Variants in BRSK2 observed in about 807,000 individuals in gnomAD.
BRSK2 encodes serine/threonine-protein kinase BRSK2.
A neutral mutation model predicts 83.3 loss-of-function variants in BRSK2; 19 were observed. The ratio of observed to expected loss-of-function variants is 0.23; its 90% CI spans 0.16 to 0.33. BRSK2 has a LOEUF of 0.33. BRSK2 is among the 10% of genes least tolerant of loss of function. The pLI is 1.00. For missense variants in BRSK2, 798 were observed against 1,042.3 expected, an observed-to-expected ratio of 0.77 and a Z score of 3.23; for synonymous variants, 519 against 435.4, an observed-to-expected ratio of 1.19 and a Z score of -2.39.
intron 1 of BRSK2, among the ~76,000 whole-genome samples, chr11:1,414,288 G>A (rs888730550): frequency 2.6e-5 from 4 of 152,194 alleles, no homozygotes; most frequent in East Asian, 1.9e-4. Flanking sequence ...CTGCTTCTCC[G>A]CCTGGAAAGG....
At chr11:1,445,149 C>T (rs900460684) in intron 9 of BRSK2, 145 bp from the exon 10 acceptor site, 7 of 1,457,354 alleles carry the variant, frequency 4.8e-6, no homozygotes, top group Non-Finnish European at 5.7e-6. Flanking sequence ...GTGCGGGGTG[C>T]GGGCAGGACG....
At chr11:1,421,049 G>A (rs140976678) in intron 1 of BRSK2, among the ~76,000 whole-genome samples, 327 of 152,308 alleles carry the variant, frequency 2.1e-3, no homozygotes, top group Middle Eastern at 0.014. Context: ...TGCTCAGAGT[G>A]ATACCCTCAG....
chr11:1,391,916 G>A (rs887806224), intron 1 of BRSK2, among the ~76,000 whole-genome samples: 2 of 152,144 alleles, frequency 1.3e-5, no homozygotes, highest in Non-Finnish European at 2.9e-5. Context: ...TTCTGCTGGC[G>A]GCAGTTAATT....
At chr11:1,402,184 C>T (rs1846522537) in intron 1 of BRSK2, among the ~76,000 whole-genome samples, 2 of 152,328 alleles carry the variant, frequency 1.3e-5, no homozygotes, top group South Asian at 4.1e-4. Context: ...GGGGCCTGAC[C>T]TTGCGCTCTC....
At chr11:1,437,660 C>T (rs1330499073) in intron 2 of BRSK2, among the ~76,000 whole-genome samples, 4 of 152,224 alleles carry the variant, frequency 2.6e-5, no homozygotes, top group East Asian at 3.9e-4. Flanking sequence ...CAACAGGATG[C>T]CTGCCCCCAC....
At chr11:1,411,713 C>A in intron 1 of BRSK2, 1 of 1,522,020 alleles carries the variant, frequency 6.6e-7, no homozygotes, top group Non-Finnish European at 8.8e-7. Context: ...GCCCCCACGG[C>A]AGGGACGGGG....
chr11:1,408,812 G>GGTGTGT (rs752611597), intron 1 of BRSK2, among the ~76,000 whole-genome samples: 22 of 143,250 alleles, frequency 1.5e-4, no homozygotes, highest in African/African-American at 5.0e-4. Flanking sequence ...TGCCTGTGCT[G>GGTGTGT]GTGTGTGTGT....
chr11:1,402,540 A>G (rs4963041), intron 1 of BRSK2, among the ~76,000 whole-genome samples: 65,603 of 152,098 alleles, frequency 0.43, 14,767 homozygotes, highest in Middle Eastern at 0.53. Flanking sequence ...ACCCTTCTCC[A>G]GGGACTTGCC....
intron 1 of BRSK2, among the ~76,000 whole-genome samples, chr11:1,395,095 C>T (rs11608241): frequency 0.014 from 2,096 of 152,292 alleles, 24 homozygotes; most frequent in Non-Finnish European, 0.018. Context: ...GTGGACTCAG[C>T]GTGGGGTGTC....
At chr11:1,424,788 G>T (rs1849009748) in intron 1 of BRSK2, among the ~76,000 whole-genome samples, 2 of 151,674 alleles carry the variant, frequency 1.3e-5, no homozygotes, top group Admixed American at 1.3e-4. Context: ...CTGGACCTGG[G>T]CCTCTGCCAG....
At chr11:1,436,250 G>GGGGGGGGGGGGGGGGGGCCCCCCCCCC in intron 2 of BRSK2, 116 bp downstream of exon 2, 1 of 168,874 alleles carries the variant, frequency 5.9e-6, no homozygotes. Context: ...GGGGGGGCGG[G>GGGGGGGGGGGGGGGGGGCCCCCCCCCC]CCCTGCAGGC....
At position 1,450,776 on chromosome 11, in the gene BRSK2, C is replaced by T. The variant is rs1394411294; in HGVS notation, c.1477C>T (p.His493Tyr). 1.3e-6 allele frequency: 2 copies of T among 1,595,052 alleles called. No individual in the cohort carries two copies. The highest frequency in any genetic ancestry group is 1.4e-5 in the African/African-American group (1 of 73,984). Residue 493 changes from histidine (H) to tyrosine (Y), a missense_variant, in exon 14 of 20, where the codon CAC becomes TAC. Physicochemically the swap from His to Tyr is moderately conservative, Grantham distance 83 (BLOSUM62 2). Transcript: ENST00000528841. ...KNSFLGSPRF[H>Y]RRKLQVPTPE... ...CAGCTTTCTGGGCTCACCCCGCTTC[C>T]ACCGCCGGAAACTGCAAGGTGAGTG...
intron 19 of BRSK2, among the ~76,000 whole-genome samples, chr11:1,459,774 G>A (rs887648575): frequency 1.1e-4 from 16 of 152,290 alleles, no homozygotes; most frequent in African/African-American, 3.6e-4. Flanking sequence ...CCAGGGACCC[G>A]GGACATGACT....
In BRSK2 at chr11:1,394,356, CCTGG is replaced by C. The variant is rs1478006316; in HGVS notation, c.91+3982_91+3985del. ...ATGGAGATGGGTCCTGGAGATGGGT[CCTGG>C]AGATGGGCCATGGAGATGGGCCATG... On this transcript the variant is annotated intron_variant, in intron 1 of 19. Transcript: ENST00000528841. Among the ~76,000 whole-genome samples the C allele has an allele frequency of 9.6e-5, 9 of 93,530 alleles. 3 individuals carry two copies. The highest frequency in any genetic ancestry group is 4.4e-4 in the African/African-American group (8 of 18,262). The allele number at this position is 93,530 out of a possible 152,430, so 61.4% of individuals were successfully genotyped here.
At chr11:1,436,956 A>G (rs1850394205) in intron 2 of BRSK2, among the ~76,000 whole-genome samples, 1 of 149,520 alleles carries the variant, frequency 6.7e-6, no homozygotes, top group Non-Finnish European at 1.5e-5. Flanking sequence ...GTGTGGAGGA[A>G]TTAACCAGAC....
chr11:1,408,716 C>T (rs897185702), intron 1 of BRSK2, among the ~76,000 whole-genome samples: 1 of 150,172 alleles, frequency 6.7e-6, no homozygotes, highest in Non-Finnish European at 1.5e-5. Context: ...TGTGTGTGTG[C>T]ACATCTGCCT....
At chr11:1,415,444 G>A (rs1029251432) in intron 1 of BRSK2, among the ~76,000 whole-genome samples, 1 of 152,146 alleles carries the variant, frequency 6.6e-6, no homozygotes, top group Non-Finnish European at 1.5e-5. Flanking sequence ...CTGAGACAGG[G>A]TCTCACTCTG....
At position 1,454,643 on chromosome 11, in the gene BRSK2, C is replaced by T. The variant is rs2133241391; in HGVS notation, c.1668+35C>T. ...CAGGGCGCTGGGGGAGGCGGGCAGC[C>T]CTCCCAACCCCACACGGCCCAGCCC... On this transcript the variant is annotated intron_variant, in intron 16 of 19. Coordinates refer to ENST00000528841, the MANE Select transcript of BRSK2 (RefSeq NM_001256627.2). The surrounding 1 kb of genome is among the most constrained non-coding windows in gnomAD (Gnocchi z 5.2). The T allele has an allele frequency of 6.2e-7, 1 of 1,609,610 alleles. No homozygotes were observed. Among genetic ancestry groups the T allele is most frequent in the Non-Finnish European group, 8.5e-7 (1 of 1,178,874 alleles).
chr11:1,404,386 C>T (rs1340078153), intron 1 of BRSK2, among the ~76,000 whole-genome samples: 1 of 152,210 alleles, frequency 6.6e-6, no homozygotes, highest in African/African-American at 2.4e-5. Context: ...TCGTCCCAGC[C>T]AGCCCTCCGC....
Sources: gnomAD v4.1 joint callset for allele counts (sites outside exome capture counted in the v4.1 genomes callset) on GRCh38, gnomAD v4.1.1 for gene constraint, Gnocchi (gnomAD v3.1) non-coding constraint, MANE v1.5 for transcripts, NCBI Gene and HGNC (gene_info 2026-07-23, HGNC 2026-07-21) for gene names.